The following NEDD9 variants were observed in gnomAD, a reference collection of about 807,000 sequenced individuals.
The protein encoded by NEDD9 is enhancer of filamentation 1.
A neutral mutation model predicts 76.6 loss-of-function variants in NEDD9; 26 were observed. The observed-to-expected ratio is 0.34, with a 90% CI of 0.25 to 0.47. NEDD9 has a LOEUF of 0.47. NEDD9 is among the 20% of genes least tolerant of loss of function. The pLI is 1.00. For missense variants in NEDD9, 937 were observed against 1,058.5 expected, an observed-to-expected ratio of 0.89 and a Z score of 1.59; for synonymous variants, 392 against 414.2, an observed-to-expected ratio of 0.95 and a Z score of 0.65.
intron 3 of NEDD9, among the ~76,000 whole-genome samples, chr6:11,299,657 AG>A (rs1288727010): frequency 2.6e-5 from 4 of 152,218 alleles, no homozygotes; most frequent in African/African-American, 9.6e-5. Context: ...AAGCTTCCAG[AG>A]GAAGGATCAG....
At chr6:11,205,265 T>C (rs1039095814) in intron 2 of NEDD9, among the ~76,000 whole-genome samples, 4 of 152,102 alleles carry the variant, frequency 2.6e-5, no homozygotes, top group Non-Finnish European at 4.4e-5. Context: ...GTGGAGAGGA[T>C]CAGGTGGTAG....
intron 2 of NEDD9, chr6:11,200,572 T>C (rs1758418564): frequency 1.8e-6 from 2 of 1,084,122 alleles, no homozygotes; most frequent in Non-Finnish European, 2.3e-6. Flanking sequence ...CAAGGCTGTT[T>C]CCTTTCAAAA....
At chr6:11,351,946 A>G (rs1273873640) in intron 1 of NEDD9, among the ~76,000 whole-genome samples, 1 of 152,252 alleles carries the variant, frequency 6.6e-6, no homozygotes, top group Non-Finnish European at 1.5e-5. Context: ...GTTGTGAGCA[A>G]CACAGTCATT....
intron 2 of NEDD9, among the ~76,000 whole-genome samples, chr6:11,197,785 G>A (rs1581949345): frequency 6.6e-6 from 1 of 152,172 alleles, no homozygotes; most frequent in Non-Finnish European, 1.5e-5. Flanking sequence ...GATCCTGGCG[G>A]CATGAGTTTC....
chr6:11,287,054 A>C (rs1760664596), intron 3 of NEDD9, among the ~76,000 whole-genome samples: 1 of 152,224 alleles, frequency 6.6e-6, no homozygotes, highest in Non-Finnish European at 1.5e-5. Flanking sequence ...ATAAAGGTGT[A>C]ATTACAGATT....
At chr6:11,221,185 C>A (rs1262541487) in intron 1 of NEDD9, among the ~76,000 whole-genome samples, 1 of 152,040 alleles carries the variant, frequency 6.6e-6, no homozygotes, top group Non-Finnish European at 1.5e-5. Flanking sequence ...GAGTTTGCGA[C>A]CAGCCTGGGC....
At chr6:11,230,277 G>A (rs1051850798) in intron 1 of NEDD9, among the ~76,000 whole-genome samples, 1 of 152,202 alleles carries the variant, frequency 6.6e-6, no homozygotes, top group African/African-American at 2.4e-5. Flanking sequence ...AGAGGTCAAC[G>A]ATAGCTCTTT....
intron 3 of NEDD9, among the ~76,000 whole-genome samples, chr6:11,300,723 A>C (rs890645018): frequency 9.2e-5 from 14 of 152,350 alleles, no homozygotes; most frequent in African/African-American, 3.4e-4. Context: ...ATTCTTAAAG[A>C]AAAGAATTTT....
At chr6:11,188,087 G>A (rs528846721) in intron 6 of NEDD9, 131 bp downstream of exon 6, 3 of 740,640 alleles carry the variant, frequency 4.1e-6, no homozygotes, top group African/African-American at 1.7e-5. Context: ...ACCCCATTCC[G>A]TGCTTTGGAG....
intron 2 of NEDD9, among the ~76,000 whole-genome samples, chr6:11,329,360 C>A (rs1761988660): frequency 1.3e-5 from 2 of 152,312 alleles, no homozygotes; most frequent in Non-Finnish European, 2.9e-5. Context: ...AAGCCCGGGG[C>A]AACTCCTTCA....
At chr6:11,280,521 G>T (rs114099736) in intron 3 of NEDD9, among the ~76,000 whole-genome samples, 2,300 of 152,300 alleles carry the variant, frequency 0.015, 58 homozygotes, top group African/African-American at 0.051. Context: ...CTCCTCCGGT[G>T]CCATCTCCAC....
rs930469821 is a variant in NEDD9, at chr6:11,349,259, T to TA, written c.-213-14699dup. Among the ~76,000 whole-genome samples, 268 of 152,016 alleles carry TA rather than the reference T, an allele frequency of 1.8e-3. 1 individual carries two copies. Among genetic ancestry groups the TA allele is most frequent in the African/African-American group, 6.2e-3 (256 of 41,468 alleles). ...AGTCAGAATGGCTATTAACAAAAAA[T>TA]AAAAAAATAACAGATGCTTGCAAGA... is the stretch of plus-strand genomic sequence containing the variant. On this transcript the variant is annotated intron_variant, in intron 1 of 3. Coordinates refer to the NEDD9 transcript ENST00000397378.
rs574518469 is a variant in NEDD9 at position 11,198,222 on chromosome 6, T to C, written c.460-4530A>G. 6.6e-6 allele frequency: 1 copy of C among 152,208 alleles called. No homozygotes were observed. The highest frequency in any genetic ancestry group is 2.1e-4 in the South Asian group (1 of 4,834). The allele number at this position is 152,208 out of a possible 1,614,324, so 9.4% of individuals were successfully genotyped here. ...ATTGACTTAAATTTTAAAAACAGTG[T>C]CTTGGCCAAACTAAACGCGTCTTTG... On this transcript the variant is annotated intron_variant, in intron 2 of 6. Transcript: ENST00000379446. The surrounding 1 kb of genome is among the most constrained non-coding windows in gnomAD (Gnocchi z 4.7).
intron 1 of NEDD9, among the ~76,000 whole-genome samples, chr6:11,345,790 AGCAGCATTTTAGCTGAGATCGAAG>A (rs1762353689): frequency 6.6e-6 from 1 of 152,184 alleles, no homozygotes; most frequent in South Asian, 2.1e-4. Flanking sequence ...TAGGAAGTAA[AGCAGCATTTTAGCTGAGATCGAAG>A]GCCAAGTCAG....
intron 3 of NEDD9, among the ~76,000 whole-genome samples, chr6:11,301,237 C>T (rs572498401): frequency 6.6e-6 from 1 of 152,250 alleles, no homozygotes; most frequent in East Asian, 1.9e-4. Flanking sequence ...ATAAAACAGA[C>T]TTTAAACCAA....
intron 3 of NEDD9, among the ~76,000 whole-genome samples, chr6:11,304,457 T>G (rs1023576018): frequency 1.2e-4 from 18 of 152,222 alleles, no homozygotes; most frequent in African/African-American, 4.1e-4. Context: ...CATTACTGGG[T>G]ATATACCCAA....
intron 3 of NEDD9, among the ~76,000 whole-genome samples, chr6:11,282,987 C>G (rs115823429): frequency 0.021 from 3,175 of 152,294 alleles, 115 homozygotes; most frequent in African/African-American, 0.071. Flanking sequence ...GCCTCTCCAG[C>G]GATCTCTTTA....
chr6:11,292,909 T>C (rs573549458), intron 3 of NEDD9, among the ~76,000 whole-genome samples: 1 of 152,294 alleles, frequency 6.6e-6, no homozygotes, highest in Non-Finnish European at 1.5e-5. Flanking sequence ...TTTCTGGGTA[T>C]CAGAAACATC....
intron 1 of NEDD9, among the ~76,000 whole-genome samples, chr6:11,226,130 C>T (rs964466085): frequency 6.6e-6 from 1 of 152,162 alleles, no homozygotes; most frequent in East Asian, 1.9e-4. Flanking sequence ...TAATCCTTTG[C>T]AGGCTGTCAT....
Sources: gnomAD v4.1 joint callset for allele counts (sites outside exome capture counted in the v4.1 genomes callset) on GRCh38, gnomAD v4.1.1 for gene constraint, Gnocchi (gnomAD v3.1) non-coding constraint, MANE v1.5 for transcripts, NCBI Gene and HGNC (gene_info 2026-07-23, HGNC 2026-07-21) for gene names.